Variants in PSMA3 observed in about 807,000 individuals in gnomAD.
PSMA3 encodes proteasome subunit alpha type-3.
Under a neutral mutation model 40.0 loss-of-function variants are expected in PSMA3, and 8 were observed. That is an observed-to-expected ratio of 0.20 (90% CI 0.12 to 0.36). The LOEUF (loss-of-function observed/expected upper bound fraction) is 0.36, where lower values mean the gene tolerates loss of function less well. Among genes scored for constraint, PSMA3 ranks in the 10% least tolerant of loss-of-function variants. The pLI is 1.00. For synonymous variants in PSMA3, 110 were observed against 100.0 expected, an observed-to-expected ratio of 1.10 and a Z score of -0.59; for missense variants, 219 against 310.6, an observed-to-expected ratio of 0.70 and a Z score of 2.22.
At position 58,271,124 on chromosome 14, in the gene PSMA3, T is replaced by G. The variant is rs577792430; in HGVS notation, c.723+126T>G. ...CCCTAATTTAAAAAAAAAAAAATTC[T>G]CTAACCAAAATTATGTGTTGAATAA... On this transcript the variant is annotated intron_variant, in intron 10 of 10. Coordinates refer to ENST00000216455, the MANE Select transcript of PSMA3 (RefSeq NM_002788.4). 3.3e-5 allele frequency: 17 copies of G among 516,532 alleles called. No individual in the cohort carries two copies. The African/African-American group carries it at 3.4e-4, about 10-fold the overall frequency. The allele number at this position is 516,532 out of a possible 1,614,324, so 32.0% of individuals were successfully genotyped here. A position where few individuals can be genotyped will look rare whatever the true frequency, so the allele number is the denominator to read the frequency against.
In PSMA3 at chr14:58,271,703, C is replaced by G. The variant is rs566529132; in HGVS notation, c.724-148C>G. 9.4e-6 allele frequency: 6 copies of G among 641,280 alleles called. No individual in the cohort carries two copies. In the East Asian group the frequency reaches 1.7e-4, roughly 18 times the overall value. 39.7% of individuals were successfully genotyped at this position (641,280 alleles called of 1,614,324 possible). A position where few individuals can be genotyped will look rare whatever the true frequency, so the allele number is the denominator to read the frequency against. On this transcript the variant is annotated intron_variant, in intron 10 of 10. Transcript: ENST00000216455. Reference sequence around the variant, plus strand: ...AGCAACATTTGCTTAATTAACTTTGCTTGGGTATCTTATTCTGAAACTGTT... The same window carrying G: ...AGCAACATTTGCTTAATTAACTTTGGTTGGGTATCTTATTCTGAAACTGTT...
chr14:58,257,643 G>A lies in PSMA3; in HGVS notation c.229-102G>A, dbSNP rs540221699. 2.8e-5 allele frequency: 28 copies of A among 1,010,786 alleles called. No homozygotes were observed. The African/African-American group carries it at 3.7e-4, about 14-fold the overall frequency. The allele number at this position is 1,010,786 out of a possible 1,614,324, so 62.6% of individuals were successfully genotyped here. A position where few individuals can be genotyped will look rare whatever the true frequency, so the allele number is the denominator to read the frequency against. On this transcript the variant is annotated intron_variant, in intron 3 of 10. Transcript: ENST00000216455. The stretch of plus-strand genomic sequence containing the variant: ...TAAGCCAAAAAAGTTTATTTTGAAT[G>A]GTAATACTTGTTAAAAAAATGTTTA...
intron 3 of PSMA3, among the ~76,000 whole-genome samples, chr14:58,253,208 C>T (rs1890053497): frequency 6.6e-6 from 1 of 152,152 alleles, no homozygotes; most frequent in Non-Finnish European, 1.5e-5. Flanking sequence ...TGGTCTCGAA[C>T]TCCTGACCTC....
chr14:58,270,152 T>C (rs1184506811), intron 8 of PSMA3: 2 of 332,036 alleles, frequency 6.0e-6, no homozygotes, highest in Non-Finnish European at 1.1e-5. Flanking sequence ...AGCCAAGTTA[T>C]ATCTCTAAAG....
chr14:58,267,164 A>G (rs1890467097), intron 7 of PSMA3: 1 of 178,304 alleles, frequency 5.6e-6, no homozygotes. Flanking sequence ...CTCCATGCCC[A>G]GCTCTTTTGT....
chr14:58,247,871 AT>A, intron 2 of PSMA3, 39 bp downstream of exon 2: 1 of 1,393,240 alleles, frequency 7.2e-7, no homozygotes, highest in Non-Finnish European at 1.0e-6. Context: ...GTCTCCTTTT[AT>A]TTTATATATT....
At chr14:58,251,667 A>G (rs1277594444) in intron 2 of PSMA3, among the ~76,000 whole-genome samples, 1 of 152,236 alleles carries the variant, frequency 6.6e-6, no homozygotes, top group Non-Finnish European at 1.5e-5. Context: ...TTATGGAAAA[A>G]TTGGAAGAAA....
At chr14:58,269,996 C>CCCA (rs1319175893) in intron 8 of PSMA3, 2 of 157,212 alleles carry the variant, frequency 1.3e-5, no homozygotes. Context: ...ATTACAGGCG[C>CCCA]CCACCACCAC....
At chr14:58,259,272 G>A (rs185265879) in intron 5 of PSMA3, among the ~76,000 whole-genome samples, 1 of 152,244 alleles carries the variant, frequency 6.6e-6, no homozygotes, top group East Asian at 1.9e-4. Flanking sequence ...TTTTAAGGGA[G>A]TAAGAATAGT....
intron 6 of PSMA3, among the ~76,000 whole-genome samples, chr14:58,261,961 C>T (rs28567753): frequency 0.17 from 25,158 of 151,264 alleles, 2,454 homozygotes; most frequent in African/African-American, 0.27. Context: ...GAGTGTCACT[C>T]TGTCTCCCAG....
At chr14:58,248,827 G>A (rs1889936249) in intron 2 of PSMA3, among the ~76,000 whole-genome samples, 1 of 151,930 alleles carries the variant, frequency 6.6e-6, no homozygotes, top group Admixed American at 6.5e-5. Flanking sequence ...AGCCGGGTGT[G>A]ATGGCACACG....
At chr14:58,249,670 C>T (rs771242842) in intron 2 of PSMA3, among the ~76,000 whole-genome samples, 1 of 151,998 alleles carries the variant, frequency 6.6e-6, no homozygotes, top group African/African-American at 2.4e-5. Flanking sequence ...TGTGCCACCA[C>T]GCCTGGCAAA....
In PSMA3 at chr14:58,247,830, T is replaced by C; in HGVS notation, c.102T>C (p.Ser34=). The change falls in exon 2 of 11, where the codon AGT becomes AGC. Residue 34 remains serine (S), a splice_region_variant and synonymous_variant. Transcript: ENST00000216455. The part of the protein sequence containing the change: ...VEYAMKAVEN[S]STAIGIRCKD... Reference sequence around the variant, plus strand: ...ATGCTATGAAGGCTGTGGAAAATAGTAGGTAAGAAACATTTAACCAGGTAT... The same window carrying C: ...ATGCTATGAAGGCTGTGGAAAATAGCAGGTAAGAAACATTTAACCAGGTAT... 6.3e-7 allele frequency: 1 copy of C among 1,582,508 alleles called. No individual in the cohort carries two copies. The highest frequency in any genetic ancestry group is 8.7e-7 in the Non-Finnish European group (1 of 1,154,258).
rs149425636 is a variant in PSMA3 at position 58,249,598 on chromosome 14, G to A, written c.104+1766G>A. 8.0e-3 allele frequency among the ~76,000 whole-genome samples: 1,213 copies of A among 152,052 alleles called. 14 individuals are homozygous for A. Among genetic ancestry groups the A allele is most frequent in the Non-Finnish European group, 0.013 (894 of 68,004 alleles). On this transcript the variant is annotated intron_variant, in intron 2 of 10. Coordinates refer to ENST00000216455, the MANE Select transcript of PSMA3 (RefSeq NM_002788.4). ...TGTGATTACAGCTTACTGCAGACTC[G>A]ACCTCCTGGTCTCGAGCTATTCTCC... is the stretch of plus-strand genomic sequence containing the variant.
At chr14:58,264,964 A>G (rs1890393504) in intron 7 of PSMA3, 1 of 152,208 alleles carries the variant, frequency 6.6e-6, no homozygotes, top group Non-Finnish European at 1.5e-5. Context: ...GGAAATTTGA[A>G]AATTAGAATA....
At chr14:58,256,478 G>C (rs952595055) in intron 3 of PSMA3, among the ~76,000 whole-genome samples, 1 of 147,908 alleles carries the variant, frequency 6.8e-6, no homozygotes, top group African/African-American at 2.5e-5. Flanking sequence ...GCAGTGGCGC[G>C]ATCTCGGCTC....
intron 1 of PSMA3, 126 bp downstream of exon 1, chr14:58,245,067 T>A (rs1424922032): frequency 1.6e-6 from 2 of 1,234,530 alleles, no homozygotes; most frequent in African/African-American, 1.5e-5. Flanking sequence ...GGTGGGCCAT[T>A]TGCAGCTGTT....
intron 6 of PSMA3, 117 bp downstream of exon 6, chr14:58,261,137 TTTTC>T (rs1353995676): frequency 4.5e-5 from 33 of 736,290 alleles, no homozygotes; most frequent in African/African-American, 4.3e-4. Flanking sequence ...GGAAAGTAAT[TTTTC>T]TTTTTTTTTT....
chr14:58,254,610 A>G (rs144979429), intron 3 of PSMA3, among the ~76,000 whole-genome samples: 5 of 151,978 alleles, frequency 3.3e-5, no homozygotes, highest in South Asian at 2.1e-4. Context: ...TGCTGAGATT[A>G]CAGGCATGAG....
Sources: allele counts gnomAD v4.1 joint callset (sites outside exome capture counted in the v4.1 genomes callset), GRCh38; gene constraint gnomAD v4.1.1; transcripts MANE v1.5; gene names NCBI Gene and HGNC (gene_info 2026-07-23, HGNC 2026-07-21).